GPRC5A: variants seen among roughly 807,000 people sequenced by gnomAD.
GPRC5A encodes G protein-coupled receptor class C group 5 member A, also known as retinoic acid-induced protein 3.
In GPRC5A, 19 loss-of-function variants were observed where a neutral mutation model predicts 22.5. The observed-to-expected ratio is 0.85, with a 90% CI of 0.59 to 1.24. The LOEUF is 1.24. GPRC5A is among the 50% of genes most tolerant of loss of function. GPRC5A has a pLI of 0.00. For missense variants in GPRC5A, 471 were observed against 451.1 expected, an observed-to-expected ratio of 1.04 and a Z score of -0.40; for synonymous variants, 192 against 184.5, an observed-to-expected ratio of 1.04 and a Z score of -0.33.
intron 1 of GPRC5A, among the ~76,000 whole-genome samples, chr12:12,895,941 C>G (rs1456454007): frequency 2.1e-5 from 3 of 142,312 alleles, no homozygotes; most frequent in African/African-American, 7.9e-5. Context: ...TGCAGTGAGC[C>G]GAGATCACGC....
intron 1 of GPRC5A, among the ~76,000 whole-genome samples, chr12:12,895,666 T>G (rs569974507): frequency 6.6e-6 from 1 of 151,456 alleles, no homozygotes; most frequent in East Asian, 1.9e-4. Flanking sequence ...GAAGGGATCT[T>G]TGAGAGCCTT....
intron 1 of GPRC5A, among the ~76,000 whole-genome samples, chr12:12,894,927 C>T (rs1372098677): frequency 2.0e-5 from 3 of 151,906 alleles, no homozygotes; most frequent in South Asian, 4.2e-4. Flanking sequence ...TACAGGTGCC[C>T]GCCACCATGC....
chr12:12,891,913 G>A (rs1320698010), intron 1 of GPRC5A: 1 of 151,470 alleles, frequency 6.6e-6, no homozygotes, highest in Non-Finnish European at 1.5e-5. Flanking sequence ...GATAATCAGG[G>A]TAATAGTTTC....
At chr12:12,900,891 C>CAAAAAAAAA (rs756416857) in intron 1 of GPRC5A, among the ~76,000 whole-genome samples, 8 of 21,652 alleles carry the variant, frequency 3.7e-4, no homozygotes, top group African/African-American at 1.3e-3. Context: ...AACTCCGTCT[C>CAAAAAAAAA]AAAAAAAAAA....
intron 1 of GPRC5A, among the ~76,000 whole-genome samples, chr12:12,896,125 T>C (rs1416034199): frequency 1.3e-5 from 2 of 152,168 alleles, no homozygotes; most frequent in African/African-American, 2.4e-5. Context: ...TATTAAGCTT[T>C]ATTTAAAAAG....
intron 1 of GPRC5A, among the ~76,000 whole-genome samples, chr12:12,901,703 A>G (rs1321389177): frequency 1.4e-5 from 2 of 147,352 alleles, no homozygotes; most frequent in African/African-American, 5.0e-5. Context: ...GTGCTACGGG[A>G]GGAAAAGCTG....
At chr12:12,898,617 A>G (rs1388791103) in intron 1 of GPRC5A, among the ~76,000 whole-genome samples, 2 of 152,184 alleles carry the variant, frequency 1.3e-5, no homozygotes, top group African/African-American at 4.8e-5. Flanking sequence ...TTGACTTGTT[A>G]TTCCTGGATA....
intron 1 of GPRC5A, among the ~76,000 whole-genome samples, chr12:12,907,386 G>A (rs948954781): frequency 8.8e-6 from 1 of 113,304 alleles, no homozygotes; most frequent in Non-Finnish European, 1.7e-5. Flanking sequence ...GGGCGACAGA[G>A]CGAGACTCTG....
intron 1 of GPRC5A, among the ~76,000 whole-genome samples, chr12:12,895,905 A>G (rs1364379304): frequency 6.7e-6 from 1 of 148,376 alleles, no homozygotes; most frequent in African/African-American, 2.5e-5. Context: ...AGGCAGGAGA[A>G]TGGTGTGAAC....
rs1487951048 is a variant in GPRC5A, at chr12:12,908,905, T to C, written c.656T>C (p.Leu219Pro). The part of the protein sequence containing the change: ...HGAHIYLTML[L>P]SIAIWVAWIT... ...GCCCACATCTACCTCACGATGCTCC[T>C]CTCCATTGCCATCTGGGTGGCCTGG... is the stretch of plus-strand genomic sequence containing the variant. The change falls in exon 2 of 4, where the codon CTC becomes CCC. Residue 219 changes from leucine to proline, a missense_variant. Physicochemically the swap from Leu to Pro is moderately conservative, Grantham distance 98. Coordinates refer to ENST00000014914, the MANE Select transcript of GPRC5A (RefSeq NM_003979.4). 6.2e-7 allele frequency: 1 copy of C among 1,614,142 alleles called. No individual in the cohort carries two copies.
At position 12,914,246 on chromosome 12, in the gene GPRC5A, G is replaced by A. The variant is rs532318204; in HGVS notation, c.*1707G>A. The A allele has an allele frequency of 3.3e-5, 5 of 153,264 alleles. No homozygotes were observed. Among genetic ancestry groups the A allele is most frequent in the South Asian group, 2.1e-4 (1 of 4,824 alleles). 9.5% of individuals were successfully genotyped at this position (153,264 alleles called of 1,614,324 possible). On this transcript the variant is annotated 3_prime_UTR_variant, in exon 4 of 4. Coordinates refer to ENST00000014914, the MANE Select transcript of GPRC5A (RefSeq NM_003979.4). The stretch of plus-strand genomic sequence containing the variant: ...CTTTTCATCAAAAGGAAAAACCAGC[G>A]TGAGGCAGAGGCGAGGGAGGTGGAG...
chr12:12,898,325 G>A (rs1392989129), intron 1 of GPRC5A, among the ~76,000 whole-genome samples: 1 of 152,182 alleles, frequency 6.6e-6, no homozygotes, highest in Non-Finnish European at 1.5e-5. Flanking sequence ...CTGAGCCTCA[G>A]GAGTTGAAGA....
chr12:12,910,721 C>T (rs1334946036), intron 2 of GPRC5A, among the ~76,000 whole-genome samples: 1 of 152,186 alleles, frequency 6.6e-6, no homozygotes, highest in Non-Finnish European at 1.5e-5. Context: ...AATCACTCCA[C>T]CCTGTGCATC....
chr12:12,907,187 C>T (rs1229859154), intron 1 of GPRC5A, among the ~76,000 whole-genome samples: 1 of 151,824 alleles, frequency 6.6e-6, no homozygotes. Context: ...GAAAAATCTG[C>T]TATTCAGAGA....
In GPRC5A at chr12:12,908,908, C is replaced by T. The variant is rs765025113; in HGVS notation, c.659C>T (p.Ser220Phe). ...GAHIYLTMLL[S>F]IAIWVAWITL... is the part of the protein sequence containing the mutation. ...CACATCTACCTCACGATGCTCCTCTCCATTGCCATCTGGGTGGCCTGGATC... is the reference window on the plus strand; with the variant it reads ...CACATCTACCTCACGATGCTCCTCTTCATTGCCATCTGGGTGGCCTGGATC... The change falls in exon 2 of 4, where the codon TCC becomes TTC. Residue 220 changes from serine (S) to phenylalanine (F), a missense_variant. Ser to Phe is a radical substitution (Grantham distance 155). Transcript: ENST00000014914. 3.7e-6 allele frequency: 6 copies of T among 1,614,190 alleles called. No homozygotes were observed. The highest frequency in any genetic ancestry group is 5.1e-6 in the Non-Finnish European group (6 of 1,180,006).
intron 2 of GPRC5A, among the ~76,000 whole-genome samples, chr12:12,910,671 G>A (rs1027275875): frequency 6.6e-6 from 1 of 152,072 alleles, no homozygotes; most frequent in Non-Finnish European, 1.5e-5. Flanking sequence ...TCCCTCTTCT[G>A]CCCTTCTCCA....
Position 12,916,154 on chromosome 12 carries a change from ATAAG to A in GPRC5A, c.*3617_*3620del, listed in dbSNP as rs973625342. 5.9e-6 allele frequency: 1 copy of A among 168,702 alleles called. No homozygotes were observed. Among genetic ancestry groups the A allele is most frequent in the African/African-American group, 2.4e-5 (1 of 41,774 alleles). 10.5% of individuals were successfully genotyped at this position (168,702 alleles called of 1,614,324 possible). ...TGGAGAACATTCCGAAGCCGTTCTT[ATAAG>A]TGTCTCCATCTCTACCTGGGCTGAA... On this transcript the variant is annotated 3_prime_UTR_variant, in exon 4 of 4. Transcript: ENST00000014914.
intron 1 of GPRC5A, among the ~76,000 whole-genome samples, chr12:12,902,178 G>C (rs1565463854): frequency 6.6e-6 from 1 of 152,272 alleles, no homozygotes; most frequent in Non-Finnish European, 1.5e-5. Flanking sequence ...AATAACTCCA[G>C]TGAGTTTTAT....
chr12:12,907,744 A>G (rs1863957618), intron 1 of GPRC5A, among the ~76,000 whole-genome samples: 1 of 152,056 alleles, frequency 6.6e-6, no homozygotes, highest in Non-Finnish European at 1.5e-5. Context: ...CGATATTCCC[A>G]CCTCAGCCTT....
Sources: allele counts gnomAD v4.1 joint callset (sites outside exome capture counted in the v4.1 genomes callset), GRCh38; gene constraint gnomAD v4.1.1; transcripts MANE v1.5; gene names NCBI Gene and HGNC (gene_info 2026-07-23, HGNC 2026-07-21).